The following MCCC2 variants were observed in gnomAD, a reference collection of about 807,000 sequenced individuals.
MCCC2 encodes the protein methylcrotonoyl-CoA carboxylase beta chain, mitochondrial.
In MCCC2, 52 loss-of-function variants were observed where a neutral mutation model predicts 77.2. The observed-to-expected ratio is 0.67, with a 90% CI of 0.54 to 0.85. The LOEUF (loss-of-function observed/expected upper bound fraction) is 0.85, where lower values mean the gene tolerates loss of function less well. MCCC2 is among the 40% of genes least tolerant of loss of function. The pLI is 0.00. For synonymous variants in MCCC2, 253 were observed against 248.4 expected, an observed-to-expected ratio of 1.02 and a Z score of -0.18; for missense variants, 682 against 703.2, an observed-to-expected ratio of 0.97 and a Z score of 0.34.
In MCCC2 at chr5:71,633,129, A is replaced by ATTTTTTTTTT. The variant is rs1215619050; in HGVS notation, c.803+945_803+946insTTTTTTTTTT. 6.2e-3 allele frequency among the ~76,000 whole-genome samples: 511 copies of ATTTTTTTTTT among 81,910 alleles called. 20 individuals are homozygous for ATTTTTTTTTT. The highest frequency in any genetic ancestry group is 0.019 in the East Asian group (37 of 1,908). 53.7% of individuals were successfully genotyped at this position (81,910 alleles called of 152,430 possible). A position where few individuals can be genotyped will look rare whatever the true frequency, so the allele number is the denominator to read the frequency against. ...TATATATATATATATATATATATAT[A>ATTTTTTTTTT]TATTTTTATTTTTTGTAGAAACAGG... On this transcript the variant is annotated intron_variant, in intron 8 of 16. Coordinates refer to ENST00000340941, the MANE Select transcript of MCCC2 (RefSeq NM_022132.5).
intron 12 of MCCC2, 86 bp from the exon 13 acceptor site, chr5:71,646,125 T>C (rs1448097660): frequency 1.7e-6 from 2 of 1,174,690 alleles, no homozygotes; most frequent in Non-Finnish European, 2.5e-6. Context: ...TTCTTGTCTT[T>C]GGCTGAAGTT....
In MCCC2 at chr5:71,587,405, T is replaced by G; in HGVS notation, c.-21T>G. ...GGCTCCAGGCCAGCGTGGGCCGCTCTCTCGCTCGGTGCCCGCCGCCATGTG... is the reference window on the plus strand; with the variant it reads ...GGCTCCAGGCCAGCGTGGGCCGCTCGCTCGCTCGGTGCCCGCCGCCATGTG... On this transcript the variant is annotated 5_prime_UTR_variant, in exon 1 of 17. Coordinates refer to ENST00000340941, the MANE Select transcript of MCCC2 (RefSeq NM_022132.5). 6.5e-7 allele frequency: 1 copy of G among 1,532,798 alleles called. No individual in the cohort carries two copies. 94.9% of individuals were successfully genotyped at this position (1,532,798 alleles called of 1,614,324 possible).
At chr5:71,592,736 C>T in intron 1 of MCCC2, 190 bp from the exon 2 acceptor site, 1 of 632,242 alleles carries the variant, frequency 1.6e-6, no homozygotes, top group East Asian at 2.7e-5. Flanking sequence ...TTGAACAAGA[C>T]AGGCAGGGGT....
intron 10 of MCCC2, chr5:71,636,038 C>A: frequency 2.9e-6 from 1 of 342,694 alleles, no homozygotes. Flanking sequence ...TTGAGATAGT[C>A]TATACGTATA....
intron 7 of MCCC2, among the ~76,000 whole-genome samples, chr5:71,630,954 A>C (rs1026672752): frequency 6.6e-6 from 1 of 152,166 alleles, no homozygotes; most frequent in East Asian, 1.9e-4. Flanking sequence ...TTGGATTGGC[A>C]TTTAGCCTTA....
intron 8 of MCCC2, 62 bp downstream of exon 8, chr5:71,632,247 G>T (rs1746744713): frequency 1.9e-6 from 3 of 1,543,090 alleles, no homozygotes; most frequent in Non-Finnish European, 2.7e-6. Context: ...TTGTTTAAAA[G>T]AAGTTTTACG....
intron 6 of MCCC2, among the ~76,000 whole-genome samples, chr5:71,623,357 C>T (rs277991): frequency 0.31 from 46,843 of 152,082 alleles, 8,189 homozygotes; most frequent in East Asian, 0.52. Flanking sequence ...GAAGGACCCA[C>T]TTCCTGGCTC....
Position 71,632,145 on chromosome 5 carries a change from G to A in MCCC2, c.763G>A (p.Val255Ile). The part of the protein sequence containing the change: ...PLVKAATGEE[V>I]SAEDLGGADL... Reference sequence around the variant, plus strand: ...GGTTAAAGCGGCAACTGGGGAAGAAGTATCTGCTGAGGATCTTGGAGGTGC... The same window carrying A: ...GGTTAAAGCGGCAACTGGGGAAGAAATATCTGCTGAGGATCTTGGAGGTGC... The change falls in exon 8 of 17, where the codon GTA (valine) becomes ATA (isoleucine). Residue 255 changes from valine to isoleucine, a missense_variant. Physicochemically the swap from Val to Ile is conservative, Grantham distance 29. Coordinates refer to ENST00000340941, the MANE Select transcript of MCCC2 (RefSeq NM_022132.5). 6.2e-7 allele frequency: 1 copy of A among 1,614,226 alleles called. No homozygotes were observed. The highest frequency in any genetic ancestry group is 8.5e-7 in the Non-Finnish European group (1 of 1,180,026).
chr5:71,599,326 C>T (rs1371157903), intron 3 of MCCC2, among the ~76,000 whole-genome samples: 7 of 151,900 alleles, frequency 4.6e-5, no homozygotes, highest in Admixed American at 1.3e-4. Flanking sequence ...GCTGAGATCG[C>T]GCCACTGCAC....
At chr5:71,594,303 C>T (rs1423304015) in intron 2 of MCCC2, among the ~76,000 whole-genome samples, 2 of 152,008 alleles carry the variant, frequency 1.3e-5, no homozygotes, top group Middle Eastern at 3.4e-3. Context: ...CCGAGGTGGG[C>T]GGATCACATG....
intron 6 of MCCC2, among the ~76,000 whole-genome samples, chr5:71,617,526 T>A (rs1035007214): frequency 2.6e-5 from 4 of 152,220 alleles, no homozygotes; most frequent in Admixed American, 2.6e-4. Context: ...TAAATCTCCT[T>A]ATAACTATTA....
chr5:71,596,104 A>G (rs1172178514), intron 2 of MCCC2, among the ~76,000 whole-genome samples, 176 bp from the exon 3 acceptor site: 1 of 152,138 alleles, frequency 6.6e-6, no homozygotes, highest in Non-Finnish European at 1.5e-5. Context: ...CAGTTTTTAC[A>G]TTTACTTCAG....
intron 16 of MCCC2, 21 bp from the exon 17 acceptor site, chr5:71,656,722 C>A (rs1747590651): frequency 6.3e-7 from 1 of 1,589,148 alleles, no homozygotes; most frequent in African/African-American, 1.3e-5. Context: ...ATTCATAACT[C>A]TTTTTTTGTT....
intron 2 of MCCC2, among the ~76,000 whole-genome samples, chr5:71,594,350 G>A (rs941788512): frequency 6.6e-6 from 1 of 152,068 alleles, no homozygotes; most frequent in Non-Finnish European, 1.5e-5. Context: ...GCAACATGGT[G>A]AAACCCTGTC....
chr5:71,633,498 T>C (rs960687344), intron 8 of MCCC2, among the ~76,000 whole-genome samples: 2 of 152,102 alleles, frequency 1.3e-5, no homozygotes, highest in African/African-American at 2.4e-5. Flanking sequence ...ACTCTATTAC[T>C]GTTATTCATA....
At chr5:71,636,169 T>A (rs1281079530) in intron 10 of MCCC2, 4 of 397,116 alleles carry the variant, frequency 1.0e-5, no homozygotes, top group Non-Finnish European at 2.0e-5. Context: ...GGCAACATGG[T>A]AAGTAGTCAG....
rs995925557 is a variant in MCCC2 at position 71,602,712 on chromosome 5, T to G, written c.511+79T>G. ...AGTTTGGAAGGCTGTATGTATTACA[T>G]TTGGGATGGGTATTTTATAAACCTG... On this transcript the variant is annotated intron_variant, in intron 5 of 16. Transcript: ENST00000340941. 3.1e-6 allele frequency: 5 copies of G among 1,589,538 alleles called. No homozygotes were observed. In the Admixed American group the frequency reaches 5.0e-5, roughly 16 times the overall value.
chr5:71,640,773 G>A (rs944200401), intron 10 of MCCC2, among the ~76,000 whole-genome samples: 23 of 152,128 alleles, frequency 1.5e-4, no homozygotes, highest in Non-Finnish European at 3.1e-4. Context: ...TGCTTTTCTT[G>A]CATGCAGCAT....
At chr5:71,624,698 T>C (rs1344813182) in intron 6 of MCCC2, among the ~76,000 whole-genome samples, 38 of 72,090 alleles carry the variant, frequency 5.3e-4, no homozygotes, top group South Asian at 1.8e-3. Context: ...TCTTTCTTTT[T>C]TTTTTTTTTT....
Sources: allele counts gnomAD v4.1 joint callset (sites outside exome capture counted in the v4.1 genomes callset), GRCh38; gene constraint gnomAD v4.1.1; transcripts MANE v1.5; gene names NCBI Gene and HGNC (gene_info 2026-07-23, HGNC 2026-07-21).